Variants in SCAPER observed in about 807,000 individuals in gnomAD.
SCAPER encodes S phase cyclin A-associated protein in the endoplasmic reticulum.
Under a neutral mutation model 182.2 loss-of-function variants are expected in SCAPER, and 98 were observed. The ratio of observed to expected loss-of-function variants is 0.54; its 90% CI spans 0.46 to 0.64. The LOEUF (loss-of-function observed/expected upper bound fraction) is 0.64. Among genes scored for constraint, SCAPER ranks in the 30% least tolerant of loss-of-function variants. SCAPER has a pLI of 0.00. For missense variants in SCAPER, 1,432 were observed against 1,690.0 expected (o/e 0.85, Z 2.68); for synonymous variants, 605 against 564.6 (o/e 1.07, Z -1.01).
At chr15:76,868,662 A>G (rs2072476405) in intron 2 of SCAPER, among the ~76,000 whole-genome samples, 1 of 152,240 alleles carries the variant, frequency 6.6e-6, no homozygotes, top group African/African-American at 2.4e-5. Context: ...AAATGGAAAG[A>G]TATTTCATGC....
At chr15:76,731,069 C>T (rs886968303) in intron 16 of SCAPER, among the ~76,000 whole-genome samples, 3 of 152,090 alleles carry the variant, frequency 2.0e-5, no homozygotes, top group Non-Finnish European at 4.4e-5. Flanking sequence ...AACTTTGTAC[C>T]TCATAAAGCA....
At chr15:76,889,029 T>G (rs950055169) in intron 1 of SCAPER, among the ~76,000 whole-genome samples, 2 of 152,166 alleles carry the variant, frequency 1.3e-5, no homozygotes, top group African/African-American at 4.8e-5. Context: ...TATTCAACAT[T>G]CTTAAAGAAA....
At chr15:76,618,832 A>G (rs2051740629) in intron 22 of SCAPER, among the ~76,000 whole-genome samples, 1 of 152,182 alleles carries the variant, frequency 6.6e-6, no homozygotes, top group African/African-American at 2.4e-5. Flanking sequence ...CAAATGACAA[A>G]TTCTCCTTAA....
intron 16 of SCAPER, among the ~76,000 whole-genome samples, chr15:76,732,695 C>T (rs2060990147): frequency 6.6e-6 from 1 of 152,190 alleles, no homozygotes; most frequent in Admixed American, 6.5e-5. Context: ...CTTGTGCCCG[C>T]AGTTATCCTG....
chr15:76,770,801 G>A (rs2063422946), intron 10 of SCAPER, among the ~76,000 whole-genome samples: 1 of 151,992 alleles, frequency 6.6e-6, no homozygotes, highest in Admixed American at 6.5e-5. Flanking sequence ...CTACTTATTT[G>A]AGCATAATTA....
chr15:76,354,152 G>C lies in SCAPER; in HGVS notation c.3856-12C>G. On this transcript the variant is annotated splice_polypyrimidine_tract_variant and intron_variant, in intron 29 of 31. Coordinates refer to ENST00000563290, the MANE Select transcript of SCAPER (RefSeq NM_020843.4). This position sits in a 1 kb window ranked among gnomAD's most constrained non-coding sequence, Gnocchi z 4.4. ...GACTGCACGATCACCTGAAATGGAA[G>C]AGCAGCCCAGGTCAGCTGCCGAAAC... 6.3e-7 allele frequency: 1 copy of C among 1,595,434 alleles called. No homozygotes were observed.
At chr15:76,429,476 C>T (rs1336568883) in intron 26 of SCAPER, among the ~76,000 whole-genome samples, 1 of 152,082 alleles carries the variant, frequency 6.6e-6, no homozygotes, top group Non-Finnish European at 1.5e-5. Flanking sequence ...ATGGTAACGA[C>T]AATGAAATCC....
intron 17 of SCAPER, among the ~76,000 whole-genome samples, chr15:76,708,070 C>A (rs1190476776): frequency 6.6e-6 from 1 of 152,044 alleles, no homozygotes; most frequent in South Asian, 2.1e-4. Flanking sequence ...AGGACACCCC[C>A]CCACCATACC....
intron 8 of SCAPER, among the ~76,000 whole-genome samples, chr15:76,781,388 G>C (rs2064126331): frequency 6.6e-6 from 1 of 152,196 alleles, no homozygotes; most frequent in African/African-American, 2.4e-5. Flanking sequence ...ATGGGACTAT[G>C]TGAAAAGACC....
At chr15:76,552,335 C>T (rs997355952) in intron 23 of SCAPER, among the ~76,000 whole-genome samples, 3 of 152,140 alleles carry the variant, frequency 2.0e-5, no homozygotes, top group Middle Eastern at 3.4e-3. Context: ...TAGACACACC[C>T]GGCAGGAGTA....
chr15:76,390,136 T>C (rs2043585623), intron 27 of SCAPER, among the ~76,000 whole-genome samples: 1 of 152,130 alleles, frequency 6.6e-6, no homozygotes, highest in Non-Finnish European at 1.5e-5. Flanking sequence ...TTTTAATTTT[T>C]TGTAAGATGA....
intron 22 of SCAPER, among the ~76,000 whole-genome samples, chr15:76,583,368 A>C (rs1266851631): frequency 6.7e-6 from 1 of 149,106 alleles, no homozygotes; most frequent in Non-Finnish European, 1.5e-5. Flanking sequence ...AAAAAAAAAA[A>C]CTTGAGTGTA....
At chr15:76,570,809 T>C (rs938969848) in intron 23 of SCAPER, among the ~76,000 whole-genome samples, 1 of 152,022 alleles carries the variant, frequency 6.6e-6, no homozygotes, top group Non-Finnish European at 1.5e-5. Context: ...TTCTGCTTGA[T>C]TCCTAAAGAC....
At chr15:76,516,174 T>A (rs1222357269) in intron 23 of SCAPER, among the ~76,000 whole-genome samples, 1 of 151,428 alleles carries the variant, frequency 6.6e-6, no homozygotes, top group Admixed American at 6.6e-5. Context: ...ACTCAGAACT[T>A]TCTTTCTTTC....
intron 23 of SCAPER, among the ~76,000 whole-genome samples, chr15:76,568,787 T>C (rs2047227323): frequency 1.3e-5 from 2 of 152,130 alleles, no homozygotes; most frequent in South Asian, 4.1e-4. Context: ...GAGATTTCAC[T>C]GAATCTACAA....
At chr15:76,422,363 T>C (rs938647137) in intron 26 of SCAPER, among the ~76,000 whole-genome samples, 1 of 152,226 alleles carries the variant, frequency 6.6e-6, no homozygotes, top group African/African-American at 2.4e-5. Flanking sequence ...TCCTAGGTAT[T>C]TTACTCTCTT....
At chr15:76,608,802 T>C (rs11855368) in intron 22 of SCAPER, among the ~76,000 whole-genome samples, 1 of 152,194 alleles carries the variant, frequency 6.6e-6, no homozygotes, top group African/African-American at 2.4e-5. Flanking sequence ...TGAGACTCCG[T>C]TGGGGTAGGA....
intron 3 of SCAPER, 105 bp downstream of exon 3, chr15:76,862,311 C>T (rs1486135918): frequency 1.4e-5 from 8 of 584,388 alleles, no homozygotes; most frequent in East Asian, 3.1e-5. Flanking sequence ...ACATACTAAT[C>T]AGCCCTAGAA....
intron 25 of SCAPER, among the ~76,000 whole-genome samples, chr15:76,470,600 C>T (rs1244231824): frequency 6.6e-6 from 1 of 152,086 alleles, no homozygotes; most frequent in Non-Finnish European, 1.5e-5. Flanking sequence ...AGAAACTTCA[C>T]CAGGAAACTC....
Sources: gnomAD v4.1 joint callset for allele counts (sites outside exome capture counted in the v4.1 genomes callset) on GRCh38, gnomAD v4.1.1 for gene constraint, Gnocchi (gnomAD v3.1) non-coding constraint, MANE v1.5 for transcripts, NCBI Gene and HGNC (gene_info 2026-07-23, HGNC 2026-07-21) for gene names.